Variants in PCDH9 observed in about 807,000 individuals in gnomAD.
The protein encoded by PCDH9 is protocadherin-9.
PCDH9 carries 24 observed loss-of-function variants against 70.6 expected under a neutral mutation model. The observed-to-expected ratio is 0.34, with a 90% confidence interval of 0.25 to 0.48. The LOEUF (loss-of-function observed/expected upper bound fraction) is 0.48, where lower values mean the gene tolerates loss of function less well. PCDH9 is among the 20% of genes least tolerant of loss of function. The pLI is 0.99. For synonymous variants in PCDH9, 562 were observed against 558.5 expected, an observed-to-expected ratio of 1.01 and a Z score of -0.09; for missense variants, 1,281 against 1,503.6, an observed-to-expected ratio of 0.85 and a Z score of 2.45.
intron 2 of PCDH9, among the ~76,000 whole-genome samples, chr13:66,972,059 G>T (rs2083532639): frequency 6.6e-6 from 1 of 151,810 alleles, no homozygotes; most frequent in South Asian, 2.1e-4. Context: ...AAATTAAGTT[G>T]GGCCATGATA....
intron 3 of PCDH9, among the ~76,000 whole-genome samples, chr13:66,761,974 A>G (rs1566177042): frequency 6.6e-6 from 1 of 151,264 alleles, no homozygotes; most frequent in Non-Finnish European, 1.5e-5. Flanking sequence ...TGCCCTACAC[A>G]TTGAAAAAAC....
At chr13:66,940,414 A>G (rs535468492) in intron 2 of PCDH9, among the ~76,000 whole-genome samples, 15 of 152,250 alleles carry the variant, frequency 9.9e-5, no homozygotes, top group Non-Finnish European at 1.9e-4. Flanking sequence ...AGAACCAGTA[A>G]GCGTTTTCTG....
intron 4 of PCDH9, among the ~76,000 whole-genome samples, chr13:66,503,788 T>C (rs1468201740): frequency 2.0e-5 from 3 of 152,224 alleles, no homozygotes; most frequent in African/African-American, 4.8e-5. Flanking sequence ...TTTTTTCTCC[T>C]GTCCCTTTCA....
In PCDH9 at chr13:67,226,328, C is replaced by T. The variant is rs1373424286; in HGVS notation, c.2113G>A (p.Val705Ile). 1 of 1,614,050 alleles carries T rather than the reference C, an allele frequency of 6.2e-7. No homozygotes were observed. Among genetic ancestry groups the T allele is most frequent in the Non-Finnish European group, 8.5e-7 (1 of 1,179,922 alleles). ...AGTTCAGCGTTCATTCCAGTGTCAA[C>T]ATCCACTGCAAAAACTTCTGCTACC... ...SVVAEVFAVD[V>I]DTGMNAELKY... The change falls in exon 2 of 5, where the codon GTT (valine) becomes ATT (isoleucine). Residue 705 changes from valine to isoleucine, a missense_variant. By Grantham distance (29) the Val-to-Ile change is conservative. Transcript: ENST00000377865. This position sits in a 1 kb window ranked among gnomAD's most constrained non-coding sequence, Gnocchi z 5.0.
intron 4 of PCDH9, among the ~76,000 whole-genome samples, chr13:66,396,476 C>G (rs897277394): frequency 6.6e-6 from 1 of 152,150 alleles, no homozygotes; most frequent in African/African-American, 2.4e-5. Context: ...CAATGTCATT[C>G]GAACACTAAT....
chr13:66,840,262 T>C lies in PCDH9; in HGVS notation c.3138+63242A>G, dbSNP rs562348136. ...GATCTTTTATATTACATTAGAAAGG[T>C]AGTATTTCTTTTCAAAGCAAAAACT... On this transcript the variant is annotated intron_variant, in intron 3 of 4. Coordinates refer to ENST00000377865, the MANE Select transcript of PCDH9 (RefSeq NM_203487.3). 1.4e-4 allele frequency among the ~76,000 whole-genome samples: 18 copies of C among 132,412 alleles called. No individual in the cohort carries two copies. The East Asian group carries it at 2.6e-3, about 19-fold the overall frequency. 86.9% of individuals were successfully genotyped at this position (132,412 alleles called of 152,430 possible). A position where few individuals can be genotyped will look rare whatever the true frequency, so the allele number is the denominator to read the frequency against.
At chr13:66,592,947 C>A in intron 4 of PCDH9, among the ~76,000 whole-genome samples, 1 of 151,634 alleles carries the variant, frequency 6.6e-6, no homozygotes, top group South Asian at 2.1e-4. Context: ...TTTCTATGAT[C>A]TTAAATACAA....
At chr13:67,080,987 A>T (rs2085971846) in intron 2 of PCDH9, among the ~76,000 whole-genome samples, 1 of 152,260 alleles carries the variant, frequency 6.6e-6, no homozygotes, top group Non-Finnish European at 1.5e-5. Flanking sequence ...CTTTTGGATT[A>T]GCAAACCATT....
intron 3 of PCDH9, among the ~76,000 whole-genome samples, chr13:66,632,626 A>G (rs1339032093): frequency 6.6e-6 from 1 of 152,172 alleles, no homozygotes; most frequent in African/African-American, 2.4e-5. Context: ...ATGTTTCCTC[A>G]GCACAGATTG....
At chr13:67,085,472 T>C (rs954131118) in intron 2 of PCDH9, among the ~76,000 whole-genome samples, 1 of 152,206 alleles carries the variant, frequency 6.6e-6, no homozygotes, top group Non-Finnish European at 1.5e-5. Context: ...AGGGAAGTGT[T>C]ATAAAATGAA....
At chr13:66,783,889 T>C (rs1371528583) in intron 3 of PCDH9, among the ~76,000 whole-genome samples, 1 of 152,152 alleles carries the variant, frequency 6.6e-6, no homozygotes, top group Non-Finnish European at 1.5e-5. Context: ...ATTGTTTCTT[T>C]TAAATTCATT....
intron 2 of PCDH9, among the ~76,000 whole-genome samples, chr13:67,007,376 A>G (rs1211349029): frequency 6.6e-6 from 1 of 152,190 alleles, no homozygotes; most frequent in Admixed American, 6.5e-5. Context: ...ACATTTATGT[A>G]TGAGTATAAG....
chr13:66,437,690 G>T (rs1957897691), intron 4 of PCDH9, among the ~76,000 whole-genome samples: 1 of 152,108 alleles, frequency 6.6e-6, no homozygotes, highest in South Asian at 2.1e-4. Context: ...TGCACTGTGG[G>T]TGGGAGTAAA....
intron 2 of PCDH9, among the ~76,000 whole-genome samples, chr13:67,028,236 G>A (rs948555883): frequency 1.4e-5 from 2 of 148,122 alleles, no homozygotes; most frequent in African/African-American, 5.0e-5. Flanking sequence ...ATACTATGCA[G>A]CCATAAAAAT....
intron 4 of PCDH9, among the ~76,000 whole-genome samples, chr13:66,478,705 G>A (rs542440770): frequency 2.0e-5 from 3 of 152,308 alleles, no homozygotes; most frequent in South Asian, 2.1e-4. Flanking sequence ...AAGACTAAGA[G>A]GGGTGATAAG....
intron 4 of PCDH9, among the ~76,000 whole-genome samples, chr13:66,329,417 T>C (rs1006710704): frequency 6.6e-6 from 1 of 152,210 alleles, no homozygotes; most frequent in African/African-American, 2.4e-5. Context: ...TCAATTCAAG[T>C]ATATAATTTC....
chr13:66,821,191 C>T (rs995033257), intron 3 of PCDH9, among the ~76,000 whole-genome samples: 5 of 151,892 alleles, frequency 3.3e-5, no homozygotes, highest in Non-Finnish European at 5.9e-5. Context: ...TGTTGATCTC[C>T]ATTTTTATGT....
At chr13:66,642,354 A>G (rs1408209656) in intron 3 of PCDH9, among the ~76,000 whole-genome samples, 2 of 152,084 alleles carry the variant, frequency 1.3e-5, no homozygotes, top group African/African-American at 4.8e-5. Context: ...GCTATGTAAC[A>G]TATAGCCTGA....
intron 3 of PCDH9, among the ~76,000 whole-genome samples, chr13:66,649,507 A>T (rs1230655486): frequency 3.9e-5 from 6 of 152,268 alleles, no homozygotes; most frequent in Admixed American, 3.9e-4. Flanking sequence ...TTCCCAGAAA[A>T]ACAAAAGCTA....
Sources: gnomAD v4.1 joint callset for allele counts (sites outside exome capture counted in the v4.1 genomes callset) on GRCh38, gnomAD v4.1.1 for gene constraint, Gnocchi (gnomAD v3.1) non-coding constraint, MANE v1.5 for transcripts, NCBI Gene and HGNC (gene_info 2026-07-23, HGNC 2026-07-21) for gene names.